RREB1: variants seen among roughly 807,000 people sequenced by gnomAD.
The protein encoded by RREB1 is ras-responsive element-binding protein 1.
In RREB1, 27 loss-of-function variants were observed where a neutral mutation model predicts 117.8. The ratio of observed to expected loss-of-function variants is 0.23; its 90% confidence interval spans 0.17 to 0.32. The LOEUF (loss-of-function observed/expected upper bound fraction) is 0.32, where lower values mean the gene tolerates loss of function less well. Among genes scored for constraint, RREB1 ranks in the 10% least tolerant of loss-of-function variants. The pLI is 1.00. For synonymous variants in RREB1, 1,298 were observed against 1,026.7 expected (o/e 1.26, Z -5.05); for missense variants, 2,577 against 2,378.2 (o/e 1.08, Z -1.74).
At chr6:7,160,129 T>C (rs2113459012) in intron 1 of RREB1, among the ~76,000 whole-genome samples, 1 of 151,916 alleles carries the variant, frequency 6.6e-6, no homozygotes. Context: ...TGCATTTTTT[T>C]TTTTTAAATG....
chr6:7,171,209 G>A (rs1265840589), intron 1 of RREB1, among the ~76,000 whole-genome samples: 2 of 152,214 alleles, frequency 1.3e-5, no homozygotes, highest in Non-Finnish European at 2.9e-5. Flanking sequence ...CAGAGCAAGC[G>A]TAGTGTTTCC....
At chr6:7,195,391 G>A (rs1765617371) in intron 6 of RREB1, among the ~76,000 whole-genome samples, 2 of 152,152 alleles carry the variant, frequency 1.3e-5, no homozygotes, top group African/African-American at 4.8e-5. Flanking sequence ...ACAAAAATGT[G>A]CCAGAGAGAA....
intron 1 of RREB1, among the ~76,000 whole-genome samples, chr6:7,112,955 C>T (rs898977906): frequency 1.8e-4 from 28 of 152,074 alleles, no homozygotes; most frequent in African/African-American, 6.5e-4. Flanking sequence ...TGGGAGCGAT[C>T]GGTGCATCTT....
chr6:7,174,988 A>G (rs1308852036), intron 1 of RREB1, among the ~76,000 whole-genome samples: 2 of 152,188 alleles, frequency 1.3e-5, no homozygotes, highest in Admixed American at 6.5e-5. Flanking sequence ...GAGTAAAACT[A>G]TGGTTCATGC....
At chr6:7,237,526 C>G (rs1388275147) in intron 10 of RREB1, among the ~76,000 whole-genome samples, 2 of 152,204 alleles carry the variant, frequency 1.3e-5, no homozygotes, top group Non-Finnish European at 2.9e-5. Context: ...CTCTGCCCAG[C>G]TGGCTGATGG....
chr6:7,141,826 G>A (rs564490867), intron 1 of RREB1, among the ~76,000 whole-genome samples: 1 of 152,224 alleles, frequency 6.6e-6, no homozygotes, highest in Non-Finnish European at 1.5e-5. Context: ...ACGGGCAGCC[G>A]GGTGGCCGGG....
intron 10 of RREB1, among the ~76,000 whole-genome samples, chr6:7,232,157 G>A (rs1373384730): frequency 2.6e-5 from 4 of 152,236 alleles, no homozygotes; most frequent in East Asian, 1.9e-4. Flanking sequence ...CATCCGGGGC[G>A]TTTTGAGGTG....
At chr6:7,202,245 G>A in intron 6 of RREB1, among the ~76,000 whole-genome samples, 1 of 152,128 alleles carries the variant, frequency 6.6e-6, no homozygotes, top group Admixed American at 6.5e-5. Context: ...CCCCACCCGT[G>A]CATTTCTTGT....
At chr6:7,190,333 G>C (rs1419189856) in intron 6 of RREB1, among the ~76,000 whole-genome samples, 1 of 152,092 alleles carries the variant, frequency 6.6e-6, no homozygotes. Flanking sequence ...CCCAAAACGA[G>C]ATTTTTAATC....
At chr6:7,193,493 AAT>A (rs1765516237) in intron 6 of RREB1, among the ~76,000 whole-genome samples, 1 of 152,236 alleles carries the variant, frequency 6.6e-6, no homozygotes, top group African/African-American at 2.4e-5. Context: ...CTAAGATTTG[AAT>A]AAAGGATATC....
At position 7,113,657 on chromosome 6, in the gene RREB1, G is replaced by C. The variant is rs188513170; in HGVS notation, c.-285+5597G>C. On this transcript the variant is annotated intron_variant, in intron 1 of 12. Transcript: ENST00000379938. ...AGCCCTGTAGAACAGCTGCTTTTTA[G>C]AGTCAGTTTGACCTCAGGAGGACTT... 1.2e-3 allele frequency among the ~76,000 whole-genome samples: 176 copies of C among 152,288 alleles called. 1 individual carries two copies. The highest frequency in any genetic ancestry group is 4.0e-3 in the African/African-American group (166 of 41,544).
At chr6:7,110,453 AAGAC>A (rs902917832) in intron 1 of RREB1, among the ~76,000 whole-genome samples, 2 of 151,034 alleles carry the variant, frequency 1.3e-5, no homozygotes, top group African/African-American at 4.9e-5. Flanking sequence ...AATTTATACA[AAGAC>A]AGAATCACTA....
At chr6:7,138,123 A>G (rs1441127282) in intron 1 of RREB1, among the ~76,000 whole-genome samples, 1 of 152,174 alleles carries the variant, frequency 6.6e-6, no homozygotes, top group Non-Finnish European at 1.5e-5. Flanking sequence ...AAAGACCTAA[A>G]TCTTTCAGAA....
intron 6 of RREB1, among the ~76,000 whole-genome samples, chr6:7,209,572 C>CTTTT (rs397961662): frequency 3.1e-5 from 4 of 129,330 alleles, no homozygotes; most frequent in Non-Finnish European, 3.3e-5. Flanking sequence ...TATTTCTTTC[C>CTTTT]TTTTTTTTTT....
intron 9 of RREB1, among the ~76,000 whole-genome samples, chr6:7,228,339 A>C (rs1236778380): frequency 6.6e-6 from 1 of 151,958 alleles, no homozygotes; most frequent in Admixed American, 6.6e-5. Context: ...AAAGAGAATT[A>C]ATTCTACCCT....
intron 1 of RREB1, among the ~76,000 whole-genome samples, chr6:7,110,734 A>G (rs911738765): frequency 1.3e-5 from 2 of 152,180 alleles, no homozygotes; most frequent in African/African-American, 2.4e-5. Flanking sequence ...ATGAACTTGC[A>G]TTGTCTTTGT....
chr6:7,113,499 A>G (rs957818136), intron 1 of RREB1, among the ~76,000 whole-genome samples: 1 of 152,152 alleles, frequency 6.6e-6, no homozygotes, highest in Non-Finnish European at 1.5e-5. Context: ...TTTAGCAAAG[A>G]TTCCACGTTC....
At chr6:7,218,467 T>G (rs954788193) in intron 8 of RREB1, 1 of 152,074 alleles carries the variant, frequency 6.6e-6, no homozygotes, top group Non-Finnish European at 1.5e-5. Flanking sequence ...CAAAACTGTT[T>G]AGCCACAAGG....
rs146528773 is a variant in RREB1 at position 7,120,318 on chromosome 6, G to A, written c.-285+12258G>A. Among the ~76,000 whole-genome samples the A allele has an allele frequency of 2.0e-5, 3 of 152,254 alleles. No homozygotes were observed. The East Asian group carries it at 5.8e-4, about 30-fold the overall frequency. On this transcript the variant is annotated intron_variant, in intron 1 of 12. Transcript: ENST00000379938. ...AAAATACAAACCTTAGCCGGGCATG[G>A]TGGTACACACCTGTAGTCCCAGATA...
Sources: gnomAD v4.1 joint callset for allele counts (sites outside exome capture counted in the v4.1 genomes callset) on GRCh38, gnomAD v4.1.1 for gene constraint, MANE v1.5 for transcripts, NCBI Gene and HGNC (gene_info 2026-07-23, HGNC 2026-07-21) for gene names.